DAB1: variants seen among roughly 807,000 people sequenced by gnomAD.
DAB1 encodes the protein DAB adaptor protein 1, also known as disabled homolog 1.
Under a neutral mutation model 64.6 loss-of-function variants are expected in DAB1, and 15 were observed. The ratio of observed to expected loss-of-function variants is 0.23; its 90% CI spans 0.16 to 0.36. The LOEUF is 0.36. DAB1 is among the 10% of genes least tolerant of loss of function. The pLI is 1.00. For synonymous variants in DAB1, 235 were observed against 251.9 expected (o/e 0.93, Z 0.64); for missense variants, 596 against 706.7 (o/e 0.84, Z 1.78).
At chr1:57,837,094 G>A (rs1214764557) in intron 1 of DAB1, among the ~76,000 whole-genome samples, 4 of 152,094 alleles carry the variant, frequency 2.6e-5, no homozygotes, top group Non-Finnish European at 5.9e-5. Context: ...AGTCCAAACT[G>A]GCAGTCTTTC....
At chr1:57,052,731 T>G (rs1202872946) in intron 9 of DAB1, among the ~76,000 whole-genome samples, 1 of 152,176 alleles carries the variant, frequency 6.6e-6, no homozygotes, top group African/African-American at 2.4e-5. Flanking sequence ...ATAATTCTAA[T>G]GTCCACTAGG....
At position 57,501,496 on chromosome 1, in the gene DAB1, A is replaced by C. The variant is rs561996863; in HGVS notation, n.625+148096T>G. ...TTAAGCCATTTAAGCCTTGGATGAT[A>C]CACCCAAAGGATTAGATAGACACAC... On this transcript the variant is annotated intron_variant and non_coding_transcript_variant, in intron 7 of 20. Transcript: ENST00000485760. 3.9e-5 allele frequency among the ~76,000 whole-genome samples: 6 copies of C among 152,358 alleles called. No homozygotes were observed. The East Asian group carries it at 1.2e-3, about 29-fold the overall frequency.
chr1:57,292,054 A>T (rs181763648), intron 1 of DAB1, among the ~76,000 whole-genome samples: 1 of 152,318 alleles, frequency 6.6e-6, no homozygotes, highest in Non-Finnish European at 1.5e-5. Flanking sequence ...TAAAAAGTAA[A>T]CATTTCACCA....
chr1:58,264,439 G>C lies in DAB1; in HGVS notation n.309+78913C>G, dbSNP rs575848478. Among the ~76,000 whole-genome samples, 4 of 152,270 alleles carry C rather than the reference G, an allele frequency of 2.6e-5. No homozygotes were observed. The East Asian group carries it at 7.7e-4, about 29-fold the overall frequency. On this transcript the variant is annotated intron_variant and non_coding_transcript_variant, in intron 4 of 20. Coordinates refer to the DAB1 transcript ENST00000485760. ...TTTGACGATTCTGATGTATTAGTTA[G>C]GGTAATAGTGGCCGCTGTAACAAAG... is the stretch of plus-strand genomic sequence containing the variant.
intron 5 of DAB1, among the ~76,000 whole-genome samples, chr1:57,948,616 T>C (rs1645218983): frequency 6.6e-6 from 1 of 152,172 alleles, no homozygotes; most frequent in Non-Finnish European, 1.5e-5. Context: ...TGTCAGTTAA[T>C]GTACATCTTG....
At chr1:57,210,168 C>G (rs1296342042) in intron 2 of DAB1, among the ~76,000 whole-genome samples, 1 of 152,106 alleles carries the variant, frequency 6.6e-6, no homozygotes, top group Non-Finnish European at 1.5e-5. Flanking sequence ...CTCATTAACA[C>G]CAGTATTAAT....
chr1:57,606,100 C>T, intron 7 of DAB1: 3 of 480,570 alleles, frequency 6.2e-6, no homozygotes, highest in Non-Finnish European at 7.8e-6. Flanking sequence ...CAAGTCAGCA[C>T]ATACCATCTC....
At chr1:57,734,721 T>C (rs1189218708) in intron 6 of DAB1, among the ~76,000 whole-genome samples, 1 of 152,246 alleles carries the variant, frequency 6.6e-6, no homozygotes, top group Non-Finnish European at 1.5e-5. Context: ...CGGGATATAC[T>C]TTTCCAATTC....
chr1:57,640,781 C>G (rs1455913036), intron 7 of DAB1, among the ~76,000 whole-genome samples: 1 of 152,118 alleles, frequency 6.6e-6, no homozygotes, highest in Non-Finnish European at 1.5e-5. Flanking sequence ...AGCTAGTGTC[C>G]CCAGCTGAGA....
At chr1:58,105,854 C>T (rs1651602298) in intron 5 of DAB1, among the ~76,000 whole-genome samples, 1 of 152,194 alleles carries the variant, frequency 6.6e-6, no homozygotes, top group African/African-American at 2.4e-5. Context: ...GCTTAGTTCA[C>T]GTAACCAGCA....
intron 7 of DAB1, among the ~76,000 whole-genome samples, chr1:57,621,209 G>T (rs1289723611): frequency 6.6e-6 from 1 of 151,564 alleles, no homozygotes; most frequent in African/African-American, 2.4e-5. Flanking sequence ...ACATGCACGT[G>T]TGTGAGAGAA....
At chr1:58,473,473 C>T (rs1484189174) in intron 3 of DAB1, among the ~76,000 whole-genome samples, 2 of 151,840 alleles carry the variant, frequency 1.3e-5, no homozygotes, top group East Asian at 3.9e-4. Flanking sequence ...ACCCGGGAAG[C>T]GGAGCTTGCA....
rs571585407 is a variant in DAB1 at position 58,143,268 on chromosome 1, T to C, written n.387+7243A>G. Among the ~76,000 whole-genome samples, 8 of 152,196 alleles carry C rather than the reference T, an allele frequency of 5.3e-5. No individual in the cohort carries two copies. The East Asian group carries it at 1.5e-3, about 29-fold the overall frequency. On this transcript the variant is annotated intron_variant and non_coding_transcript_variant, in intron 5 of 20. Transcript: ENST00000485760. ...ACAGCCCCTAACATGCTGGTAATAA[T>C]AATCTAGAGTGGAAAAGAAGATGCC...
At position 56,997,117 on chromosome 1, in the gene DAB1, A is replaced by T. The variant is rs1312501058; in HGVS notation, c.*1027T>A. ...GTTGGTTTTTAAGATCCAAAACCACATTACCAGAATTGTACCAGAATTATT... is the reference window on the plus strand; with the variant it reads ...GTTGGTTTTTAAGATCCAAAACCACTTTACCAGAATTGTACCAGAATTATT... On this transcript the variant is annotated 3_prime_UTR_variant, in exon 15 of 15. Coordinates refer to ENST00000371236, the MANE Select transcript of DAB1 (RefSeq NM_001365792.1). 2.0e-5 allele frequency: 3 copies of T among 152,230 alleles called. No individual in the cohort carries two copies. In the East Asian group the frequency reaches 5.8e-4, roughly 29 times the overall value. The allele number at this position is 152,230 out of a possible 1,614,324, so 9.4% of individuals were successfully genotyped here. A position where few individuals can be genotyped will look rare whatever the true frequency, so the allele number is the denominator to read the frequency against.
intron 1 of DAB1, among the ~76,000 whole-genome samples, chr1:57,403,240 G>A (rs1436686064): frequency 6.6e-6 from 1 of 152,148 alleles, no homozygotes; most frequent in African/African-American, 2.4e-5. Flanking sequence ...CCATTCTGTG[G>A]ATCCATTGGG....
chr1:58,178,788 C>T (rs1286160699), intron 4 of DAB1, among the ~76,000 whole-genome samples: 2 of 152,100 alleles, frequency 1.3e-5, no homozygotes, highest in South Asian at 2.1e-4. Flanking sequence ...GTGGGCTGTA[C>T]ACAAACTGAA....
intron 5 of DAB1, among the ~76,000 whole-genome samples, chr1:58,146,848 T>C (rs1654623311): frequency 6.6e-6 from 1 of 152,206 alleles, no homozygotes; most frequent in Admixed American, 6.5e-5. Flanking sequence ...CATCAATGGA[T>C]ACTTAGGTTG....
At chr1:57,814,992 T>C (rs997360060) in intron 6 of DAB1, among the ~76,000 whole-genome samples, 1 of 152,234 alleles carries the variant, frequency 6.6e-6, no homozygotes, top group Non-Finnish European at 1.5e-5. Flanking sequence ...CAGGAACCAT[T>C]TGTGGGTCTG....
intron 2 of DAB1, among the ~76,000 whole-genome samples, chr1:57,289,511 A>G (rs1361879984): frequency 6.6e-6 from 1 of 152,176 alleles, no homozygotes; most frequent in Non-Finnish European, 1.5e-5. Flanking sequence ...ATTAATTTTT[A>G]GGGAACAAAA....
Sources: allele counts gnomAD v4.1 joint callset (sites outside exome capture counted in the v4.1 genomes callset), GRCh38; gene constraint gnomAD v4.1.1; transcripts MANE v1.5; gene names NCBI Gene and HGNC (gene_info 2026-07-23, HGNC 2026-07-21).